The following BCKDHB variants were observed in gnomAD, a reference collection of about 807,000 sequenced individuals.
BCKDHB encodes branched chain keto acid dehydrogenase E1 subunit beta, also known as 2-oxoisovalerate dehydrogenase subunit beta, mitochondrial.
BCKDHB carries 41 observed loss-of-function variants against 48.5 expected under a neutral mutation model. The ratio of observed to expected loss-of-function variants is 0.85; its 90% CI spans 0.66 to 1.10. The LOEUF is 1.10. BCKDHB is among the 50% of genes least tolerant of loss of function. The pLI, the probability that BCKDHB is intolerant of heterozygous loss-of-function variation, is 0.00. For synonymous variants in BCKDHB, 201 were observed against 174.8 expected (o/e 1.15, Z -1.18); for missense variants, 496 against 494.2 (o/e 1.00, Z -0.03).
At chr6:80,370,814 ATATATGTG>A in the BCKDHB span, among the ~76,000 whole-genome samples, 575 of 147,842 alleles carry the variant, frequency 3.9e-3, 1 homozygote, top group African/African-American at 0.013. Context: ...GTGTGTATAT[ATATATGTG>A]TGTGTGTGTG....
At chr6:80,158,953 A>T (rs1772185034) in intron 3 of BCKDHB, among the ~76,000 whole-genome samples, 1 of 152,034 alleles carries the variant, frequency 6.6e-6, no homozygotes, top group Non-Finnish European at 1.5e-5. Context: ...GTTCTTTTTC[A>T]TTTTCTACCT....
At chr6:80,361,693 A>G in the BCKDHB span, among the ~76,000 whole-genome samples, 1 of 152,198 alleles carries the variant, frequency 6.6e-6, no homozygotes, top group East Asian at 1.9e-4. Context: ...TCATGTTGAC[A>G]CTGGTAGCTA....
chr6:80,341,147 A>G (rs1467198730), intron 9 of BCKDHB, among the ~76,000 whole-genome samples: 2 of 152,188 alleles, frequency 1.3e-5, no homozygotes, highest in East Asian at 1.9e-4. Context: ...TCCTTGAATT[A>G]TCTTCCATGA....
chr6:80,206,839 A>C (rs1260074806), intron 8 of BCKDHB, among the ~76,000 whole-genome samples: 2 of 151,758 alleles, frequency 1.3e-5, no homozygotes, highest in Non-Finnish European at 1.5e-5. Flanking sequence ...ACAGTATCTA[A>C]AAAAAAATTC....
the BCKDHB span, among the ~76,000 whole-genome samples, chr6:80,371,565 A>T: frequency 2.7e-3 from 416 of 151,574 alleles, 3 homozygotes; most frequent in African/African-American, 9.5e-3. Context: ...TTTGTCTCAA[A>T]GTCTAGAAGG....
chr6:80,195,755 C>G (rs1380685799), intron 6 of BCKDHB, among the ~76,000 whole-genome samples: 1 of 152,114 alleles, frequency 6.6e-6, no homozygotes, highest in Non-Finnish European at 1.5e-5. Context: ...GATACAGAGA[C>G]AAAGCCAGAA....
Position 80,344,249 on chromosome 6 carries a change from C to G in BCKDHB, c.*445C>G, listed in dbSNP as rs1005107378. On this transcript the variant is annotated 3_prime_UTR_variant, in exon 10 of 10. Transcript: ENST00000320393. ...CAAATTCCTGACCTCAAGTGATCCACCTGCCTTAGCCTCCCAAAGTGCTGG... is the reference window on the plus strand; with the variant it reads ...CAAATTCCTGACCTCAAGTGATCCAGCTGCCTTAGCCTCCCAAAGTGCTGG... The G allele has an allele frequency of 8.3e-6, 2 of 240,842 alleles. No homozygotes were observed. The highest frequency in any genetic ancestry group is 1.6e-5 in the Non-Finnish European group (2 of 122,234). 14.9% of individuals were successfully genotyped at this position (240,842 alleles called of 1,614,324 possible).
At chr6:80,429,865 T>C in the BCKDHB span, among the ~76,000 whole-genome samples, 262 of 152,330 alleles carry the variant, frequency 1.7e-3, no homozygotes, top group African/African-American at 5.8e-3. Context: ...TTTCTTTCTC[T>C]TACCTGATTG....
chr6:80,278,244 T>C (rs3805894), intron 9 of BCKDHB, among the ~76,000 whole-genome samples: 2,116 of 152,262 alleles, frequency 0.014, 122 homozygotes, highest in East Asian at 0.12. Context: ...TCAGGAGAAG[T>C]ATACTTCTGT....
Position 80,149,688 on chromosome 6 carries a change from T to C in BCKDHB, c.344-17990T>C, listed in dbSNP as rs577840631. Among the ~76,000 whole-genome samples, 245 of 150,798 alleles carry C rather than the reference T, an allele frequency of 1.6e-3. 1 individual carries two copies. The highest frequency in any genetic ancestry group is 5.7e-3 in the African/African-American group (231 of 40,856). ...TTCATGTCCTTTGTAGGGACATGGA[T>C]GAAATTGGAAATCATCATTCTCAGT... On this transcript the variant is annotated intron_variant, in intron 3 of 9. Transcript: ENST00000320393.
intron 9 of BCKDHB, among the ~76,000 whole-genome samples, chr6:80,308,185 ATTAT>A: frequency 6.6e-6 from 1 of 151,982 alleles, no homozygotes; most frequent in African/African-American, 2.4e-5. Flanking sequence ...GTTTATTTGT[ATTAT>A]TTTTACAATT....
chr6:80,169,999 C>A, intron 5 of BCKDHB: 1 of 1,185,534 alleles, frequency 8.4e-7, no homozygotes, highest in Non-Finnish European at 1.1e-6. Flanking sequence ...TGTCTGTCCC[C>A]TGCCTTCTCT....
At chr6:80,228,841 C>T (rs1007834369) in intron 8 of BCKDHB, among the ~76,000 whole-genome samples, 1 of 152,138 alleles carries the variant, frequency 6.6e-6, no homozygotes, top group African/African-American at 2.4e-5. Context: ...GTTCTTCTCT[C>T]TGCTCGATGG....
chr6:80,214,313 G>A (rs1775070405), intron 8 of BCKDHB, among the ~76,000 whole-genome samples: 2 of 152,170 alleles, frequency 1.3e-5, no homozygotes, highest in African/African-American at 4.8e-5. Context: ...GATTAAATTG[G>A]AAATTTAATT....
At chr6:80,300,924 T>C (rs544864745) in intron 9 of BCKDHB, among the ~76,000 whole-genome samples, 88 of 152,134 alleles carry the variant, frequency 5.8e-4, no homozygotes, top group African/African-American at 2.1e-3. Context: ...AATTAAACAA[T>C]TTGCTCCTGA....
the BCKDHB span, chr6:80,374,312 CT>C: frequency 1.0e-5 from 10 of 953,166 alleles, no homozygotes; most frequent in East Asian, 2.4e-5. Flanking sequence ...ATTCAGCACT[CT>C]TTTTGGGCCA....
At chr6:80,239,780 T>G (rs1383701252) in intron 8 of BCKDHB, among the ~76,000 whole-genome samples, 1 of 152,170 alleles carries the variant, frequency 6.6e-6, no homozygotes, top group Non-Finnish European at 1.5e-5. Flanking sequence ...AATTTTTGTG[T>G]AAGATGTAAG....
At chr6:80,417,597 T>C in the BCKDHB span, among the ~76,000 whole-genome samples, 1 of 152,140 alleles carries the variant, frequency 6.6e-6, no homozygotes. Context: ...TCACTTATGA[T>C]GTTTAGTTCG....
intron 8 of BCKDHB, among the ~76,000 whole-genome samples, chr6:80,236,765 T>C (rs1166145736): frequency 1.3e-5 from 2 of 152,222 alleles, no homozygotes; most frequent in South Asian, 2.1e-4. Flanking sequence ...TTATCTGTTA[T>C]GTGTATGTAT....
Sources: gnomAD v4.1 joint callset for allele counts (sites outside exome capture counted in the v4.1 genomes callset) on GRCh38, gnomAD v4.1.1 for gene constraint, MANE v1.5 for transcripts, NCBI Gene and HGNC (gene_info 2026-07-23, HGNC 2026-07-21) for gene names.